The following C2CD3 variants were observed in gnomAD, a reference collection of about 807,000 sequenced individuals.
C2CD3 encodes the protein C2 domain-containing protein 3.
In C2CD3, 148 loss-of-function variants were observed where a neutral mutation model predicts 234.0. That is an observed-to-expected ratio of 0.63 (90% CI 0.55 to 0.72). The LOEUF is 0.72. C2CD3 is among the 30% of genes least tolerant of loss of function. C2CD3 has a pLI of 0.00. For missense variants in C2CD3, 2,577 were observed against 2,811.5 expected (o/e 0.92, Z 1.89); for synonymous variants, 1,000 against 1,035.4 (o/e 0.97, Z 0.66).
chr11:74,161,476 G>A lies in C2CD3; in HGVS notation c.406C>T (p.Gln136Ter), dbSNP rs1856462907. ...TTGATTTGATGGGTTGGAGAAAGTT[G>A]AGCTAGTCCATTGATCTGAACTCTA... The part of the protein sequence containing the change: ...IGRVQINGLA[Q>*]LSPTHQINGF... Residue 136 changes from glutamine to a stop codon, truncating the protein, a stop_gained, in exon 3 of 33, where the codon CAA becomes TAA. Transcript: ENST00000334126. LOFTEE classifies it high-confidence loss of function. 1 of 1,598,962 alleles carries A rather than the reference G, an allele frequency of 6.3e-7. No individual in the cohort carries two copies. Among genetic ancestry groups the A allele is most frequent in the South Asian group, 1.1e-5 (1 of 89,252 alleles).
At chr11:74,102,396 A>G (rs1221187290) in intron 14 of C2CD3, among the ~76,000 whole-genome samples, 1 of 152,268 alleles carries the variant, frequency 6.6e-6, no homozygotes, top group East Asian at 1.9e-4. Flanking sequence ...ACCAGCAGGC[A>G]GTTAGATACA....
chr11:74,015,418 CTT>C (rs548334282), intron 32 of C2CD3, among the ~76,000 whole-genome samples: 171 of 152,326 alleles, frequency 1.1e-3, no homozygotes, highest in Non-Finnish European at 2.0e-3. Context: ...TTGTGTATAT[CTT>C]TCTCTACTCC....
chr11:74,164,964 AGG>A, intron 2 of C2CD3: 1 of 152,210 alleles, frequency 6.6e-6, no homozygotes, highest in African/African-American at 2.4e-5. Context: ...CCAGTTGCTC[AGG>A]AGGCTGAGGT....
At position 74,090,790 on chromosome 11, in the gene C2CD3, T is replaced by C. The variant is rs765039582; in HGVS notation, c.3641+23A>G. On this transcript the variant is annotated intron_variant, in intron 20 of 32. Coordinates refer to ENST00000334126, the MANE Select transcript of C2CD3 (RefSeq NM_001286577.2). ...GATTGCAGTGTAAAAGGCTTGAGAA[T>C]TGCTTGTCTCAGGTGGACTTACTTG... 13 of 1,613,806 alleles carry C rather than the reference T, an allele frequency of 8.1e-6. No individual in the cohort carries two copies. The East Asian group carries it at 8.9e-5, about 11-fold the overall frequency.
intron 8 of C2CD3, among the ~76,000 whole-genome samples, chr11:74,121,103 G>A (rs1162686907): frequency 6.6e-6 from 1 of 152,090 alleles, no homozygotes; most frequent in Non-Finnish European, 1.5e-5. Context: ...GATGAAGTTA[G>A]AGAGGTCAGT....
At chr11:74,159,113 T>C (rs1856256458) in intron 3 of C2CD3, among the ~76,000 whole-genome samples, 1 of 152,202 alleles carries the variant, frequency 6.6e-6, no homozygotes, top group Admixed American at 6.5e-5. Context: ...CTAGTGACTA[T>C]AGTGTTGTAA....
chr11:74,161,735 T>C (rs1373342239), intron 2 of C2CD3, among the ~76,000 whole-genome samples, 179 bp from the exon 3 acceptor site: 2 of 151,926 alleles, frequency 1.3e-5, no homozygotes, highest in Admixed American at 6.6e-5. Context: ...AAGTTGCTAA[T>C]AGGATGGTTA....
At chr11:74,057,681 T>C in intron 24 of C2CD3, 137 bp from the exon 25 acceptor site, 1 of 902,902 alleles carries the variant, frequency 1.1e-6, no homozygotes. Flanking sequence ...GTGTCTGAAA[T>C]GTTTTCAGGC....
At chr11:74,072,480 G>T (rs1440010207) in intron 24 of C2CD3, among the ~76,000 whole-genome samples, 1 of 152,178 alleles carries the variant, frequency 6.6e-6, no homozygotes, top group Non-Finnish European at 1.5e-5. Flanking sequence ...TGAATCAAAT[G>T]ATGTATATTG....
intron 8 of C2CD3, among the ~76,000 whole-genome samples, chr11:74,120,315 C>T (rs1342119440): frequency 6.6e-6 from 1 of 152,038 alleles, no homozygotes; most frequent in Non-Finnish European, 1.5e-5. Context: ...GTGTGATGTT[C>T]CCCGCCCCGT....
intron 24 of C2CD3, among the ~76,000 whole-genome samples, chr11:74,072,064 CT>C (rs1270113752): frequency 3.3e-5 from 5 of 151,748 alleles, no homozygotes; most frequent in Non-Finnish European, 5.9e-5. Context: ...TAATACTTTC[CT>C]TAAACTCATT....
rs1293719935 is a variant in C2CD3 at position 74,162,667 on chromosome 11, C to T, written c.326-1111G>A. ...ACAGAACAACAACAAATACCACACA[C>T]TGAGGAAAAAATAAATCAACTGACC... On this transcript the variant is annotated intron_variant, in intron 2 of 32. Coordinates refer to ENST00000334126, the MANE Select transcript of C2CD3 (RefSeq NM_001286577.2). 3.9e-5 allele frequency among the ~76,000 whole-genome samples: 6 copies of T among 152,094 alleles called. 1 individual carries two copies. The highest frequency in any genetic ancestry group is 1.4e-4 in the African/African-American group (6 of 41,400).
intron 27 of C2CD3, 71 bp downstream of exon 27, chr11:74,049,266 A>C: frequency 7.6e-7 from 1 of 1,308,262 alleles, no homozygotes; most frequent in South Asian, 1.2e-5. Flanking sequence ...AGAGTGCCAA[A>C]CATGAGTAAA....
rs1955570460 is a variant in C2CD3, at chr11:74,084,886, C to T, written c.3995G>A (p.Arg1332Lys). Residue 1332 changes from arginine (R) to lysine (K), a missense_variant, in exon 22 of 33, where the codon AGA (arginine) becomes AAA (lysine). By Grantham distance (26) the Arg-to-Lys change is conservative. Coordinates refer to ENST00000334126, the MANE Select transcript of C2CD3 (RefSeq NM_001286577.2). ...TGATAATCCAGGATCCTTACCAGAT[C>T]TCTTGATCAGCAGCTCTTTTGTTGG... ...KVPTKELLIKRSGITGWYPII... is the reference protein window; with the variant it reads ...KVPTKELLIKKSGITGWYPII... 3 of 1,597,098 alleles carry T rather than the reference C, an allele frequency of 1.9e-6. No homozygotes were observed. The highest frequency in any genetic ancestry group is 2.2e-5 in the East Asian group (1 of 44,768).
At chr11:74,159,317 A>G (rs972020708) in intron 3 of C2CD3, among the ~76,000 whole-genome samples, 5 of 152,186 alleles carry the variant, frequency 3.3e-5, no homozygotes, top group Non-Finnish European at 7.3e-5. Context: ...TCTACTTATT[A>G]AAACAAAGTT....
rs1240908952 is a variant in C2CD3 at position 74,100,574 on chromosome 11, G to A, written c.2683C>T (p.Leu895=). 1 of 1,613,898 alleles carries A rather than the reference G, an allele frequency of 6.2e-7. No homozygotes were observed. The highest frequency in any genetic ancestry group is 1.7e-5 in the Admixed American group (1 of 59,964). Residue 895 remains leucine (L), a synonymous_variant, in exon 15 of 33, where the codon CTG becomes TTG. Coordinates refer to ENST00000334126, the MANE Select transcript of C2CD3 (RefSeq NM_001286577.2). Reference sequence around the variant, plus strand: ...AGGGGAAGTTTCACCAGCCCGAGCAGCTTGTCCTGTCCTGGGCTCCGCACC... The same window carrying A: ...AGGGGAAGTTTCACCAGCCCGAGCAACTTGTCCTGTCCTGGGCTCCGCACC... ...NKVRSPGQDK[L]LGLVKLPLHQ...
At position 74,132,967 on chromosome 11, in the gene C2CD3, C is replaced by G. The variant is rs1282307963; in HGVS notation, c.1094G>C (p.Arg365Thr). 1 of 1,613,730 alleles carries G rather than the reference C, an allele frequency of 6.2e-7. No individual in the cohort carries two copies. Among genetic ancestry groups the G allele is most frequent in the African/African-American group, 1.3e-5 (1 of 74,934 alleles). ...EDSLRASTQI[R>T]AFSRNRFKDH... The stretch of plus-strand genomic sequence containing the variant: ...TTTAAACCGATTCCTAGAAAAGGCT[C>G]TGATCCTAAGGTGTGGAAAAATACT... The change falls in exon 7 of 33, where the codon AGA becomes ACA. Residue 365 changes from arginine (R) to threonine (T), a missense_variant. Arg to Thr is a moderately conservative substitution (Grantham distance 71). Coordinates refer to ENST00000334126, the MANE Select transcript of C2CD3 (RefSeq NM_001286577.2).
chr11:74,069,308 T>C (rs1954690448), intron 24 of C2CD3, among the ~76,000 whole-genome samples: 1 of 152,160 alleles, frequency 6.6e-6, no homozygotes, highest in Non-Finnish European at 1.5e-5. Context: ...CTGGGCCTGT[T>C]TACATTCTGA....
At chr11:74,088,188 A>C (rs1955730670) in intron 20 of C2CD3, among the ~76,000 whole-genome samples, 1 of 152,194 alleles carries the variant, frequency 6.6e-6, no homozygotes, top group African/African-American at 2.4e-5. Context: ...AAAAATCTGT[A>C]TATTTGTACA....
Sources: allele counts gnomAD v4.1 joint callset (sites outside exome capture counted in the v4.1 genomes callset), GRCh38; gene constraint gnomAD v4.1.1; transcripts MANE v1.5; gene names NCBI Gene and HGNC (gene_info 2026-07-23, HGNC 2026-07-21).